Variants in SMG6 observed in about 807,000 individuals in gnomAD.
SMG6 encodes telomerase-binding protein EST1A.
A neutral mutation model predicts 142.2 loss-of-function variants in SMG6; 66 were observed. That is an observed-to-expected ratio of 0.46 (90% CI 0.38 to 0.57). The LOEUF is 0.57. Among genes scored for constraint, SMG6 ranks in the 20% least tolerant of loss-of-function variants. The pLI, the probability that SMG6 is intolerant of heterozygous loss-of-function variation, is 0.00. For missense variants in SMG6, 1,793 were observed against 1,832.0 expected (o/e 0.98, Z 0.39); for synonymous variants, 779 against 702.4 (o/e 1.11, Z -1.72).
chr17:2,207,329 A>C (rs546839803), intron 10 of SMG6, among the ~76,000 whole-genome samples: 4 of 152,022 alleles, frequency 2.6e-5, no homozygotes, highest in Non-Finnish European at 5.9e-5. Context: ...TAAATTAGAA[A>C]ATGATCAGTT....
chr17:2,162,473 C>T (rs2071211253), intron 13 of SMG6, among the ~76,000 whole-genome samples: 1 of 145,512 alleles, frequency 6.9e-6, no homozygotes, highest in South Asian at 2.2e-4. Flanking sequence ...CAGATTGCAC[C>T]ACTGCACTCC....
At chr17:2,261,472 CAAT>C (rs1381881962) in intron 8 of SMG6, among the ~76,000 whole-genome samples, 1 of 152,172 alleles carries the variant, frequency 6.6e-6, no homozygotes, top group Non-Finnish European at 1.5e-5. Flanking sequence ...TTTAACTCTG[CAAT>C]AATTTTTTAA....
At chr17:2,295,041 T>G (rs539788125) in intron 4 of SMG6, among the ~76,000 whole-genome samples, 2 of 152,276 alleles carry the variant, frequency 1.3e-5, no homozygotes, top group East Asian at 3.9e-4. Flanking sequence ...CACACCCAGC[T>G]AATTTTTGTA....
In SMG6 at chr17:2,277,388, G is replaced by C. The variant is rs9892925; in HGVS notation, c.2661+5259C>G. 5.4e-3 allele frequency among the ~76,000 whole-genome samples: 822 copies of C among 151,728 alleles called. 1 individual carries two copies. Among genetic ancestry groups the C allele is most frequent in the African/African-American group, 0.014 (563 of 41,360 alleles). On this transcript the variant is annotated intron_variant, in intron 8 of 18. Transcript: ENST00000263073. ...TCACCGTGTTAGCCAGGATGGTCTC[G>C]ATCTCCTGACCTCGTGATCCGCCCG...
intron 6 of SMG6, among the ~76,000 whole-genome samples, chr17:2,290,228 A>G (rs953360603): frequency 1.3e-5 from 2 of 152,216 alleles, no homozygotes; most frequent in Non-Finnish European, 2.9e-5. Context: ...AGACATAAAT[A>G]AAGTTACAGG....
rs548000229 is a variant in SMG6 at position 2,134,319 on chromosome 17, G to A, written c.3357+38339C>T. Among the ~76,000 whole-genome samples the A allele has an allele frequency of 1.5e-3, 218 of 149,016 alleles. 1 individual carries two copies. Among genetic ancestry groups the A allele is most frequent in the African/African-American group, 5.1e-3 (205 of 40,564 alleles). On this transcript the variant is annotated intron_variant, in intron 13 of 18. Coordinates refer to ENST00000263073, the MANE Select transcript of SMG6 (RefSeq NM_017575.5). The stretch of plus-strand genomic sequence containing the variant: ...TGTAATCCCAGCAATTTGGGAGGCC[G>A]AGGCAGGCGAATTGCTTGAACCCAA...
chr17:2,246,713 T>C (rs1364453889), intron 8 of SMG6, among the ~76,000 whole-genome samples: 2 of 152,016 alleles, frequency 1.3e-5, no homozygotes, highest in East Asian at 1.9e-4. Flanking sequence ...TGGGAGGCCA[T>C]GGCAGGTGGA....
At chr17:2,081,434 G>T (rs1400474690) in intron 15 of SMG6, among the ~76,000 whole-genome samples, 1 of 152,132 alleles carries the variant, frequency 6.6e-6, no homozygotes, top group Non-Finnish European at 1.5e-5. Context: ...CTGGGAACAG[G>T]CGTTCTGAAG....
intron 1 of SMG6, chr17:2,303,173 T>C: frequency 2.0e-6 from 2 of 985,424 alleles, no homozygotes; most frequent in Non-Finnish European, 2.4e-6. Context: ...GGGGAAAAGT[T>C]CAGCAACGAA....
At chr17:2,184,482 A>T (rs1448947112) in intron 12 of SMG6, among the ~76,000 whole-genome samples, 1 of 150,838 alleles carries the variant, frequency 6.6e-6, no homozygotes, top group Admixed American at 6.6e-5. Flanking sequence ...ACATAGTGAA[A>T]CCTCATCTCT....
chr17:2,254,381 C>T (rs976925573), intron 8 of SMG6, among the ~76,000 whole-genome samples: 4 of 152,224 alleles, frequency 2.6e-5, no homozygotes, highest in African/African-American at 9.6e-5. Context: ...GTGGCCCAAG[C>T]TGGAGTACAC....
At chr17:2,092,233 C>T (rs935194606) in intron 13 of SMG6, among the ~76,000 whole-genome samples, 13 of 152,174 alleles carry the variant, frequency 8.5e-5, no homozygotes, top group South Asian at 6.2e-4. Flanking sequence ...TGATCCACCG[C>T]GCCCGGCCTT....
At chr17:2,097,064 G>A (rs1366201284) in intron 13 of SMG6, among the ~76,000 whole-genome samples, 1 of 152,134 alleles carries the variant, frequency 6.6e-6, no homozygotes, top group Non-Finnish European at 1.5e-5. Flanking sequence ...AGTCTTTCTT[G>A]ACTACTTCTG....
intron 15 of SMG6, among the ~76,000 whole-genome samples, chr17:2,070,118 C>T (rs565889990): frequency 6.6e-6 from 1 of 152,214 alleles, no homozygotes; most frequent in Admixed American, 6.5e-5. Flanking sequence ...CTTGCCTTCC[C>T]TGTGGACTTT....
At chr17:2,193,011 T>C (rs996909328) in intron 10 of SMG6, among the ~76,000 whole-genome samples, 12 of 152,090 alleles carry the variant, frequency 7.9e-5, no homozygotes, top group Non-Finnish European at 1.2e-4. Flanking sequence ...GCTGACTGAG[T>C]GTAAAGCAAG....
At chr17:2,063,163 C>T (rs1048483) in intron 18 of SMG6, 65,857 of 152,060 alleles carry the variant, frequency 0.43, 15,054 homozygotes, top group Admixed American at 0.51. Context: ...CTAACCAAGG[C>T]CCGACATTGC....
chr17:2,088,486 C>A, intron 13 of SMG6: 1 of 985,430 alleles, frequency 1.0e-6, no homozygotes, highest in Non-Finnish European at 1.2e-6. Context: ...TTGTGTCTGT[C>A]ATAGCTATTA....
chr17:2,266,074 T>C, intron 8 of SMG6: 1 of 985,358 alleles, frequency 1.0e-6, no homozygotes, highest in Non-Finnish European at 1.2e-6. Context: ...TCCCCCCTCT[T>C]CAGGATCTAG....
chr17:2,257,062 A>G (rs1597724377), intron 8 of SMG6, among the ~76,000 whole-genome samples: 1 of 147,302 alleles, frequency 6.8e-6, no homozygotes, highest in Admixed American at 6.8e-5. Flanking sequence ...TGCAACCTCC[A>G]CCTCCCAGGT....
Sources: gnomAD v4.1 joint callset for allele counts (sites outside exome capture counted in the v4.1 genomes callset) on GRCh38, gnomAD v4.1.1 for gene constraint, MANE v1.5 for transcripts, NCBI Gene and HGNC (gene_info 2026-07-23, HGNC 2026-07-21) for gene names.